Variants in ZNF420 observed in about 807,000 individuals in gnomAD.
ZNF420 encodes the protein zinc finger protein 420, also known as ATM and p53-associated KZNF protein.
In ZNF420, 31 loss-of-function variants were observed where a neutral mutation model predicts 44.7. The ratio of observed to expected loss-of-function variants is 0.69; its 90% CI spans 0.52 to 0.94. The LOEUF (loss-of-function observed/expected upper bound fraction) is 0.94. Among genes scored for constraint, ZNF420 ranks in the 40% least tolerant of loss-of-function variants. The probability of loss-of-function intolerance (pLI) is 0.00; values close to 1 mark genes in which losing one functional copy is unlikely to be tolerated. For missense variants in ZNF420, 681 were observed against 827.9 expected (o/e 0.82, Z 2.18); for synonymous variants, 245 against 267.4 (o/e 0.92, Z 0.82).
Position 37,032,265 on chromosome 19 carries a change from G to C in ZNF420, c.-125+24183G>C, listed in dbSNP as rs562614090. ...GAGGCAGGAAAACCACTTGAAGGCA[G>C]AGGTTGCAGTGAGCCGAGATTGCGC... On this transcript the variant is annotated intron_variant, in intron 1 of 4. Transcript: ENST00000587029. 1.2e-4 allele frequency among the ~76,000 whole-genome samples: 19 copies of C among 152,072 alleles called. 1 individual carries two copies. The South Asian group carries it at 3.9e-3, about 32-fold the overall frequency.
At chr19:37,065,686 G>T (rs1213215741) in intron 1 of ZNF420, among the ~76,000 whole-genome samples, 1 of 152,246 alleles carries the variant, frequency 6.6e-6, no homozygotes, top group African/African-American at 2.4e-5. Context: ...TTTAAATTTA[G>T]TTCAGTGAGG....
chr19:37,081,222 G>A (rs1027686023), intron 2 of ZNF420, among the ~76,000 whole-genome samples: 2 of 151,964 alleles, frequency 1.3e-5, no homozygotes, highest in Non-Finnish European at 2.9e-5. Flanking sequence ...TTTTGTTACT[G>A]ATTTCTAATT....
In ZNF420 at chr19:37,128,034, C is replaced by G; in HGVS notation, c.1043C>G (p.Ser348Ter). 2 of 1,613,812 alleles carry G rather than the reference C, an allele frequency of 1.2e-6. No individual in the cohort carries two copies. Among genetic ancestry groups the G allele is most frequent in the Non-Finnish European group, 1.7e-6 (2 of 1,179,926 alleles). Residue 348 changes from serine (S) to a stop codon, truncating the protein, a stop_gained, in exon 5 of 5, where the codon TCA (serine) becomes TGA (stop). Transcript: ENST00000337995. LOFTEE classifies it high-confidence loss of function. ...KECGRAFIRG[S>*]LLMQHQRIHT... ...TGTGGAAGGGCCTTTATTCGGGGCTCACTACTGATGCAACATCAGAGGATT... is the reference window on the plus strand; with the variant it reads ...TGTGGAAGGGCCTTTATTCGGGGCTGACTACTGATGCAACATCAGAGGATT...
At position 37,032,633 on chromosome 19, in the gene ZNF420, C is replaced by T. The variant is rs372974326; in HGVS notation, c.-125+24551C>T. Reference sequence around the variant, plus strand: ...AAGCCTTACCAACAAGGTTAAACCCCGTCTCTACTAAAAATACAACAATTT... The same window carrying T: ...AAGCCTTACCAACAAGGTTAAACCCTGTCTCTACTAAAAATACAACAATTT... On this transcript the variant is annotated intron_variant, in intron 1 of 4. Transcript: ENST00000587029. Among the ~76,000 whole-genome samples the T allele has an allele frequency of 4.6e-5, 7 of 151,928 alleles. No homozygotes were observed. In the South Asian group the frequency reaches 6.2e-4, roughly 14 times the overall value.
At chr19:37,124,712 G>A (rs534037586) in intron 4 of ZNF420, among the ~76,000 whole-genome samples, 3 of 152,072 alleles carry the variant, frequency 2.0e-5, no homozygotes, top group African/African-American at 7.2e-5. Context: ...TGTTGCCCAG[G>A]CTGGCTTGCT....
intron 1 of ZNF420, among the ~76,000 whole-genome samples, chr19:37,013,540 C>T (rs527832840): frequency 2.6e-5 from 4 of 152,152 alleles, no homozygotes; most frequent in Non-Finnish European, 4.4e-5. Flanking sequence ...TGCAGAGTCA[C>T]GGAGAAGCAG....
chr19:37,125,714 A>T (rs1278601377), intron 4 of ZNF420, among the ~76,000 whole-genome samples: 1 of 152,226 alleles, frequency 6.6e-6, no homozygotes, highest in Admixed American at 6.5e-5. Flanking sequence ...ATAAGGTTTC[A>T]GTCCTTGGAT....
chr19:37,102,708 T>TTTTA (rs1491490712), intron 4 of ZNF420, among the ~76,000 whole-genome samples: 1 of 152,182 alleles, frequency 6.6e-6, no homozygotes, highest in African/African-American at 2.4e-5. Context: ...GCAAAGAGAC[T>TTTTA]TTTATCTGTG....
chr19:37,024,389 A>C (rs2074669988), intron 1 of ZNF420, among the ~76,000 whole-genome samples: 1 of 152,056 alleles, frequency 6.6e-6, no homozygotes, highest in Admixed American at 6.6e-5. Flanking sequence ...CCTTGGCAAA[A>C]TCAACTTTCT....
chr19:37,079,800 A>T (rs1452682570), intron 1 of ZNF420, among the ~76,000 whole-genome samples: 2 of 151,910 alleles, frequency 1.3e-5, no homozygotes, highest in African/African-American at 4.8e-5. Context: ...CGGGTGGATT[A>T]CCTGAGGTCA....
rs138053084 is a variant in ZNF420 at position 37,127,088 on chromosome 19, G to A, written c.137-40G>A. 3.7e-4 allele frequency: 535 copies of A among 1,438,478 alleles called. 4 individuals carry two copies. The African/African-American group carries it at 6.8e-3, about 18-fold the overall frequency. The allele number at this position is 1,438,478 out of a possible 1,614,324, so 89.1% of individuals were successfully genotyped here. Reference sequence around the variant, plus strand: ...CCTATTATTTGTCTTTTCTATAGAAGTTATATTTCTCAATTTTTTTATTCT... The same window carrying A: ...CCTATTATTTGTCTTTTCTATAGAAATTATATTTCTCAATTTTTTTATTCT... On this transcript the variant is annotated intron_variant, in intron 4 of 4. Coordinates refer to ENST00000337995, the MANE Select transcript of ZNF420 (RefSeq NM_144689.5).
intron 4 of ZNF420, among the ~76,000 whole-genome samples, chr19:37,118,888 G>A (rs1449375250): frequency 6.6e-6 from 1 of 152,150 alleles, no homozygotes; most frequent in Non-Finnish European, 1.5e-5. Context: ...ATTACATAAT[G>A]TTAAAGGGAT....
At chr19:37,102,751 G>C (rs1244992872) in intron 4 of ZNF420, among the ~76,000 whole-genome samples, 1 of 152,172 alleles carries the variant, frequency 6.6e-6, no homozygotes, top group South Asian at 2.1e-4. Context: ...GGGGATATGA[G>C]TGGGTTACCT....
chr19:37,107,858 C>A, intron 4 of ZNF420, among the ~76,000 whole-genome samples: 1 of 151,710 alleles, frequency 6.6e-6, no homozygotes, highest in East Asian at 1.9e-4. Flanking sequence ...TTTGATCCTT[C>A]AAAAATTTGT....
At chr19:37,084,505 C>A (rs937885310) in intron 2 of ZNF420, among the ~76,000 whole-genome samples, 2 of 152,074 alleles carry the variant, frequency 1.3e-5, no homozygotes, top group East Asian at 3.8e-4. Context: ...CATGTAATAT[C>A]TTTGTGAGGT....
chr19:37,032,977 A>G (rs897212721), intron 1 of ZNF420, among the ~76,000 whole-genome samples: 5 of 152,234 alleles, frequency 3.3e-5, no homozygotes, highest in African/African-American at 1.2e-4. Context: ...GAAAAAATTA[A>G]TGCTCATTCA....
In ZNF420 at chr19:37,128,719, A is replaced by T; in HGVS notation, c.1728A>T (p.Gln576His). ...KAFIRGSQLTQHQRIHTGEKP... is the reference protein window; with the variant it reads ...KAFIRGSQLTHHQRIHTGEKP... ...TTATTCGTGGTTCACAGTTGACTCAACATCAGCGAATTCACACTGGAGAAA... is the reference window on the plus strand; with the variant it reads ...TTATTCGTGGTTCACAGTTGACTCATCATCAGCGAATTCACACTGGAGAAA... Residue 576 changes from glutamine to histidine, a missense_variant, in exon 5 of 5, where the codon CAA becomes CAT. By Grantham distance (24) the Gln-to-His change is conservative. Coordinates refer to ENST00000337995, the MANE Select transcript of ZNF420 (RefSeq NM_144689.5). 1 of 1,614,052 alleles carries T rather than the reference A, an allele frequency of 6.2e-7. No homozygotes were observed. Among genetic ancestry groups the T allele is most frequent in the Non-Finnish European group, 8.5e-7 (1 of 1,179,978 alleles).
chr19:37,100,936 T>A (rs188005045), intron 4 of ZNF420, among the ~76,000 whole-genome samples: 6 of 152,300 alleles, frequency 3.9e-5, no homozygotes, highest in African/African-American at 1.2e-4. Context: ...TTTAATTTCT[T>A]TTGTCAATGT....
At chr19:37,068,389 C>T (rs1418511397) in intron 1 of ZNF420, among the ~76,000 whole-genome samples, 1 of 152,160 alleles carries the variant, frequency 6.6e-6, no homozygotes, top group Non-Finnish European at 1.5e-5. Flanking sequence ...CCTGTAATCC[C>T]AGCACTTTGG....
Sources: gnomAD v4.1 joint callset for allele counts (sites outside exome capture counted in the v4.1 genomes callset) on GRCh38, gnomAD v4.1.1 for gene constraint, MANE v1.5 for transcripts, NCBI Gene and HGNC (gene_info 2026-07-23, HGNC 2026-07-21) for gene names.